Variants in TMEM30A observed in about 807,000 individuals in gnomAD.
TMEM30A encodes the protein cell cycle control protein 50A.
TMEM30A carries 24 observed loss-of-function variants against 38.2 expected under a neutral mutation model. The observed-to-expected ratio is 0.63, with a 90% CI of 0.46 to 0.88. The LOEUF is 0.88. Among genes scored for constraint, TMEM30A ranks in the 40% least tolerant of loss-of-function variants. TMEM30A has a pLI of 0.00. For synonymous variants in TMEM30A, 145 were observed against 161.6 expected, an observed-to-expected ratio of 0.90 and a Z score of 0.78; for missense variants, 370 against 458.6, an observed-to-expected ratio of 0.81 and a Z score of 1.77.
chr6:75,270,946 G>C (rs1449231698), intron 1 of TMEM30A, among the ~76,000 whole-genome samples: 1 of 152,166 alleles, frequency 6.6e-6, no homozygotes, highest in African/African-American at 2.4e-5. Flanking sequence ...GAGAGGCAAA[G>C]CCTATGTAAT....
intron 3 of TMEM30A, among the ~76,000 whole-genome samples, chr6:75,264,436 G>A (rs1049987525): frequency 6.6e-6 from 1 of 152,064 alleles, no homozygotes; most frequent in Non-Finnish European, 1.5e-5. Flanking sequence ...CAGAATTTGA[G>A]ACCAGTCTGG....
At chr6:75,279,202 T>C (rs1443543774) in intron 1 of TMEM30A, among the ~76,000 whole-genome samples, 1 of 152,098 alleles carries the variant, frequency 6.6e-6, no homozygotes, top group Non-Finnish European at 1.5e-5. Flanking sequence ...TTGAAGAAAA[T>C]GTATGAAGAC....
Position 75,284,669 on chromosome 6 carries a change from A to G in TMEM30A, c.-31T>C. On this transcript the variant is annotated 5_prime_UTR_variant, in exon 1 of 7. Transcript: ENST00000230461. ...CCTGGGGCGCCGCTCCGCGATTTGC[A>G]GGTGGACCACCCAGGGGGCCCGCCG... The G allele has an allele frequency of 6.2e-7, 1 of 1,607,076 alleles. No homozygotes were observed. Among genetic ancestry groups the G allele is most frequent in the Non-Finnish European group, 8.5e-7 (1 of 1,177,686 alleles).
chr6:75,278,863 T>C (rs530080825), intron 1 of TMEM30A, among the ~76,000 whole-genome samples: 1 of 152,314 alleles, frequency 6.6e-6, no homozygotes, highest in African/African-American at 2.4e-5. Flanking sequence ...GTTGTTCATA[T>C]TAATCACCTT....
intron 3 of TMEM30A, 122 bp downstream of exon 3, chr6:75,265,109 A>G (rs1220523542): frequency 1.7e-6 from 1 of 602,714 alleles, no homozygotes; most frequent in African/African-American, 2.0e-5. Flanking sequence ...GGGGAAAAAA[A>G]TCCTCACTAT....
chr6:75,273,484 TAAA>T (rs74328863), intron 1 of TMEM30A, among the ~76,000 whole-genome samples: 10 of 140,066 alleles, frequency 7.1e-5, no homozygotes, highest in East Asian at 4.1e-4. Flanking sequence ...ATATTTTTAT[TAAA>T]AAAAAAAAAA....
rs1377893835 is a variant in TMEM30A at position 75,259,381 on chromosome 6, G to A, written c.651C>T (p.Pro217=). 1 of 1,613,328 alleles carries A rather than the reference G, an allele frequency of 6.2e-7. No homozygotes were observed. The highest frequency in any genetic ancestry group is 1.7e-5 in the Admixed American group (1 of 59,960). ...WTDKNVKFRN[P]PGGDNLEERF... is the part of the protein sequence containing the mutation. ...GTTCTTCCAGGTTGTCTCCTCCAGG[G>A]GGATTTCTGAATTTCACATTTTTAT... Residue 217 remains proline, a synonymous_variant, in exon 5 of 7, where the codon CCC becomes CCT. Coordinates refer to ENST00000230461, the MANE Select transcript of TMEM30A (RefSeq NM_018247.4).
At chr6:75,259,309 C>T in intron 5 of TMEM30A, 38 bp downstream of exon 5, 1 of 1,565,554 alleles carries the variant, frequency 6.4e-7, no homozygotes, top group Non-Finnish European at 8.6e-7. Context: ...ATTAAAACTC[C>T]TAGTTTAATT....
At chr6:75,261,070 T>C (rs922253898) in intron 3 of TMEM30A, among the ~76,000 whole-genome samples, 159 bp from the exon 4 acceptor site, 3 of 152,232 alleles carry the variant, frequency 2.0e-5, no homozygotes, top group African/African-American at 7.2e-5. Context: ...AACACCACAT[T>C]TAAATATTCA....
At chr6:75,271,917 T>C (rs1772178891) in intron 1 of TMEM30A, among the ~76,000 whole-genome samples, 1 of 152,122 alleles carries the variant, frequency 6.6e-6, no homozygotes, top group Non-Finnish European at 1.5e-5. Context: ...ACTTCTTTCT[T>C]ACTGAGAAGC....
In TMEM30A at chr6:75,284,754, C is replaced by G; in HGVS notation, c.-116G>C. 1 of 921,102 alleles carries G rather than the reference C, an allele frequency of 1.1e-6. No homozygotes were observed. The highest frequency in any genetic ancestry group is 1.6e-5 in the African/African-American group (1 of 61,846). 57.1% of individuals were successfully genotyped at this position (921,102 alleles called of 1,614,324 possible). ...CCGCCGCCGCCGCCGCAGCCACCAG[C>G]GCCACCGCCACAGCCACCTCCGCTG... On this transcript the variant is annotated 5_prime_UTR_variant, in exon 1 of 7. Transcript: ENST00000230461.
intron 2 of TMEM30A, among the ~76,000 whole-genome samples, chr6:75,267,249 T>G (rs1047713281): frequency 6.6e-6 from 1 of 152,182 alleles, no homozygotes; most frequent in Admixed American, 6.5e-5. Context: ...AATTAAGTAA[T>G]GGGAGAATTA....
chr6:75,265,798 C>T (rs1278553611), intron 2 of TMEM30A, among the ~76,000 whole-genome samples: 3 of 152,064 alleles, frequency 2.0e-5, no homozygotes, highest in Admixed American at 6.6e-5. Context: ...TTGAGCCGTT[C>T]TACCGCCTCT....
intron 1 of TMEM30A, among the ~76,000 whole-genome samples, chr6:75,268,073 T>C (rs970261554): frequency 1.3e-5 from 2 of 152,230 alleles, no homozygotes; most frequent in African/African-American, 4.8e-5. Context: ...AATACTAGAT[T>C]AACAGAGATC....
chr6:75,269,307 C>T (rs776091055), intron 1 of TMEM30A, among the ~76,000 whole-genome samples: 1 of 152,200 alleles, frequency 6.6e-6, no homozygotes, highest in African/African-American at 2.4e-5. Context: ...CTCTATATCC[C>T]TCTCTCTGCT....
intron 4 of TMEM30A, among the ~76,000 whole-genome samples, chr6:75,260,585 T>C (rs1771949059): frequency 6.6e-6 from 1 of 152,212 alleles, no homozygotes; most frequent in African/African-American, 2.4e-5. Context: ...TATTTTTATA[T>C]GAAATAAGAT....
Position 75,255,826 on chromosome 6 carries a change from GCAT to G in TMEM30A, c.*273_*275del, listed in dbSNP as rs1279746282. 5 of 285,304 alleles carry G rather than the reference GCAT, an allele frequency of 1.8e-5. No homozygotes were observed. Among genetic ancestry groups the G allele is most frequent in the Non-Finnish European group, 3.3e-5 (5 of 152,426 alleles). The allele number at this position is 285,304 out of a possible 1,614,324, so 17.7% of individuals were successfully genotyped here. On this transcript the variant is annotated 3_prime_UTR_variant, in exon 7 of 7. Transcript: ENST00000230461. ...ACAAGTCACATGAAAGAGGCTCTAT[GCAT>G]CATGTGGCCTGTCCGAATAAAAAGC...
chr6:75,270,967 A>T (rs1461774324), intron 1 of TMEM30A, among the ~76,000 whole-genome samples: 1 of 152,194 alleles, frequency 6.6e-6, no homozygotes, highest in Non-Finnish European at 1.5e-5. Flanking sequence ...CTTTCATTAG[A>T]CCTGTTGGGC....
At chr6:75,271,592 G>T (rs1054103897) in intron 1 of TMEM30A, among the ~76,000 whole-genome samples, 1 of 152,142 alleles carries the variant, frequency 6.6e-6, no homozygotes, top group Non-Finnish European at 1.5e-5. Context: ...TACACAGCCT[G>T]TTCCTTCACA....
Sources: gnomAD v4.1 joint callset for allele counts (sites outside exome capture counted in the v4.1 genomes callset) on GRCh38, gnomAD v4.1.1 for gene constraint, MANE v1.5 for transcripts, NCBI Gene and HGNC (gene_info 2026-07-23, HGNC 2026-07-21) for gene names.